Variants in VPS13A observed in about 807,000 individuals in gnomAD.
VPS13A encodes vacuolar protein sorting 13 homolog A.
In VPS13A, 264 loss-of-function variants were observed where a neutral mutation model predicts 390.9. That is an observed-to-expected ratio of 0.68 (90% CI 0.61 to 0.75). The LOEUF (loss-of-function observed/expected upper bound fraction) is 0.75, where lower values mean the gene tolerates loss of function less well. Ranked by LOEUF, VPS13A falls within the 30% of genes least tolerant of loss-of-function variation. VPS13A has a pLI of 0.00. For missense variants in VPS13A, 3,409 were observed against 3,733.9 expected, an observed-to-expected ratio of 0.91 and a Z score of 2.27; for synonymous variants, 1,231 against 1,227.1, an observed-to-expected ratio of 1.00 and a Z score of -0.07.
In VPS13A at chr9:77,221,182, T is replaced by C. The variant is rs368445630; in HGVS notation, c.990-3T>C. The C allele has an allele frequency of 8.0e-5, 129 of 1,613,102 alleles. No individual in the cohort carries two copies. The highest frequency in any genetic ancestry group is 1.1e-4 in the Non-Finnish European group (125 of 1,179,406). On this transcript the variant is annotated splice_polypyrimidine_tract_variant and splice_region_variant and intron_variant, in intron 12 of 71. Coordinates refer to ENST00000360280, the MANE Select transcript of VPS13A (RefSeq NM_033305.3). Reference sequence around the variant, plus strand: ...TGTTAAATGTTTTTCTTTTTTTAACTAGGTGGGCTTATGCTATACATGGCG... The same window carrying C: ...TGTTAAATGTTTTTCTTTTTTTAACCAGGTGGGCTTATGCTATACATGGCG...
intron 23 of VPS13A, among the ~76,000 whole-genome samples, chr9:77,261,835 C>A (rs1000725580): frequency 6.6e-6 from 1 of 152,176 alleles, no homozygotes; most frequent in Non-Finnish European, 1.5e-5. Flanking sequence ...TCTGCCTGCA[C>A]TGGGCTCCCA....
chr9:77,340,586 A>G, intron 50 of VPS13A, 36 bp downstream of exon 50: 1 of 1,610,100 alleles, frequency 6.2e-7, no homozygotes, highest in Non-Finnish European at 8.5e-7. Flanking sequence ...ACCTCTTTGG[A>G]TTCTATTTTC....
intron 22 of VPS13A, among the ~76,000 whole-genome samples, chr9:77,257,701 G>A (rs980054613): frequency 6.6e-6 from 1 of 152,188 alleles, no homozygotes; most frequent in Admixed American, 6.5e-5. Context: ...AGGAGGTTGA[G>A]GCTACGGTGG....
At chr9:77,229,952 A>G (rs1372569855) in intron 17 of VPS13A, among the ~76,000 whole-genome samples, 1 of 152,202 alleles carries the variant, frequency 6.6e-6, no homozygotes, top group Non-Finnish European at 1.5e-5. Flanking sequence ...TCTTTTGATT[A>G]CAGCCATTCT....
At position 77,283,622 on chromosome 9, in the gene VPS13A, A is replaced by G; in HGVS notation, c.3311A>G (p.Asp1104Gly). 1 of 1,611,936 alleles carries G rather than the reference A, an allele frequency of 6.2e-7. No homozygotes were observed. The highest frequency in any genetic ancestry group is 8.5e-7 in the Non-Finnish European group (1 of 1,178,644). Residue 1104 changes from aspartate (D) to glycine (G), a missense_variant, in exon 31 of 72, where the codon GAT (aspartate) becomes GGT (glycine). Transcript: ENST00000360280. Reference protein sequence around the residue: ...NAKLRNIIVLDSDITAIYKKA... With the variant: ...NAKLRNIIVLGSDITAIYKKA... Reference sequence around the variant, plus strand: ...AAGCTAAGGAATATAATTGTTTTAGATTCTGATATAACAGCTATATACAAA... The same window carrying G: ...AAGCTAAGGAATATAATTGTTTTAGGTTCTGATATAACAGCTATATACAAA...
chr9:77,373,930 TC>T (rs1426211395), intron 67 of VPS13A, among the ~76,000 whole-genome samples: 1 of 152,200 alleles, frequency 6.6e-6, no homozygotes, highest in Non-Finnish European at 1.5e-5. Context: ...TTTATGAAGT[TC>T]CCCTTTATTT....
At chr9:77,370,120 CT>C (rs1254980706) in intron 63 of VPS13A, 136 bp from the exon 64 acceptor site, 3 of 943,504 alleles carry the variant, frequency 3.2e-6, no homozygotes, top group Non-Finnish European at 5.0e-6. Context: ...TAATGTGAAA[CT>C]TTTTGCTGAT....
rs1470660368 is a variant in VPS13A at position 77,411,724 on chromosome 9, G to A, written c.9474+4117G>A. ...CAAGAGCAAACACATTCAAAAGCTA[G>A]CAGAAGGCAAGAAATGACTAAGATC... On this transcript the variant is annotated intron_variant, in intron 71 of 71. Coordinates refer to ENST00000360280, the MANE Select transcript of VPS13A (RefSeq NM_033305.3). 1.0e-4 allele frequency among the ~76,000 whole-genome samples: 14 copies of A among 136,634 alleles called. 1 individual carries two copies. Among genetic ancestry groups the A allele is most frequent in the African/African-American group, 3.0e-4 (11 of 36,252 alleles). The allele number at this position is 136,634 out of a possible 152,430, so 89.6% of individuals were successfully genotyped here.
At chr9:77,323,965 G>C (rs1587583067) in intron 45 of VPS13A, among the ~76,000 whole-genome samples, 1 of 152,132 alleles carries the variant, frequency 6.6e-6, no homozygotes. Context: ...GTTAAGAATT[G>C]AGGTTTTGCT....
intron 67 of VPS13A, 76 bp from the exon 68 acceptor site, chr9:77,381,900 T>C (rs1009073293): frequency 3.3e-6 from 3 of 911,494 alleles, no homozygotes; most frequent in Admixed American, 4.7e-5. Context: ...AGATTGTTTT[T>C]AGTAATTGCA....
At chr9:77,352,176 C>CTAATAA (rs1317040822) in intron 53 of VPS13A, among the ~76,000 whole-genome samples, 10 of 152,210 alleles carry the variant, frequency 6.6e-5, no homozygotes, top group African/African-American at 2.4e-4. Flanking sequence ...TAAGGATCCA[C>CTAATAA]TGAGTGAACT....
Position 77,283,448 on chromosome 9 carries a change from A to ATCCATTTATTTATTTATC in VPS13A, c.3212_3213insTCCATTTATTTATTTATC (p.Asn1071_Ile1072insProPheIleTyrLeuSer). 6.2e-7 allele frequency: 1 copy of ATCCATTTATTTATTTATC among 1,605,534 alleles called. No individual in the cohort carries two copies. The highest frequency in any genetic ancestry group is 8.5e-7 in the Non-Finnish European group (1 of 1,172,676). ...ATCTTTATTCAAGATCAGAAATGTA[A>ATCCATTTATTTATTTATC]CATTTCTGAAATTAAGATTGAAGGT... is the stretch of plus-strand genomic sequence containing the variant. On this transcript the variant is annotated inframe_insertion, in exon 30 of 72. Coordinates refer to ENST00000360280, the MANE Select transcript of VPS13A (RefSeq NM_033305.3).
chr9:77,334,968 A>G (rs1051832606), intron 46 of VPS13A, among the ~76,000 whole-genome samples: 1 of 152,156 alleles, frequency 6.6e-6, no homozygotes, highest in African/African-American at 2.4e-5. Flanking sequence ...GGACATGCAG[A>G]AAAGTGGGTA....
intron 22 of VPS13A, among the ~76,000 whole-genome samples, chr9:77,255,958 AT>A (rs368345110): frequency 3.3e-4 from 49 of 150,488 alleles, no homozygotes; most frequent in African/African-American, 1.2e-3. Flanking sequence ...ATTTTTGTTG[AT>A]TTTTTTCTCT....
chr9:77,391,029 A>G (rs548783578), intron 68 of VPS13A, among the ~76,000 whole-genome samples: 13 of 152,200 alleles, frequency 8.5e-5, no homozygotes, highest in Non-Finnish European at 1.6e-4. Flanking sequence ...GGTACGTTCA[A>G]TTTGAGTCTT....
Position 77,370,930 on chromosome 9 carries a change from T to TTTTGTTA in VPS13A, c.8948_8949insTTTGTTA (p.Lys2984LeufsTer15). ...ATAACAGGAATTGTTACAAAACCAA[T>TTTTGTTA]CAAAGGCAAGTATAGTAGTTCCTTT... On this transcript the variant is annotated frameshift_variant, in exon 66 of 72. Transcript: ENST00000360280. LOFTEE classifies it high-confidence loss of function. 1 of 1,613,994 alleles carries TTTTGTTA rather than the reference T, an allele frequency of 6.2e-7. No individual in the cohort carries two copies. The highest frequency in any genetic ancestry group is 8.5e-7 in the Non-Finnish European group (1 of 1,179,996).
chr9:77,183,960 T>C (rs531233171), intron 1 of VPS13A, among the ~76,000 whole-genome samples: 1 of 152,240 alleles, frequency 6.6e-6, no homozygotes, highest in Non-Finnish European at 1.5e-5. Context: ...ATGCAGCAAT[T>C]CATATTATTA....
chr9:77,366,012 A>G (rs1364753329), intron 60 of VPS13A, among the ~76,000 whole-genome samples: 1 of 152,156 alleles, frequency 6.6e-6, no homozygotes, highest in Non-Finnish European at 1.5e-5. Flanking sequence ...TAGAGTATAT[A>G]TGCAATACAA....
chr9:77,321,754 G>C lies in VPS13A; in HGVS notation c.5830+8G>C. ...TCTTCTTCATTCTTCTTAGTAAGTA[G>C]TTGAAAAATTACCTTCCTGGGGCTA... On this transcript the variant is annotated splice_region_variant and intron_variant, in intron 44 of 71. Coordinates refer to ENST00000360280, the MANE Select transcript of VPS13A (RefSeq NM_033305.3). The C allele has an allele frequency of 2.5e-6, 4 of 1,612,902 alleles. No individual in the cohort carries two copies. Among genetic ancestry groups the C allele is most frequent in the Non-Finnish European group, 2.5e-6 (3 of 1,179,272 alleles).
Sources: allele counts gnomAD v4.1 joint callset (sites outside exome capture counted in the v4.1 genomes callset), GRCh38; gene constraint gnomAD v4.1.1; transcripts MANE v1.5; gene names NCBI Gene and HGNC (gene_info 2026-07-23, HGNC 2026-07-21).